Variants in STARD13 observed in about 807,000 individuals in gnomAD.
STARD13 encodes the protein stAR-related lipid transfer protein 13.
In STARD13, 62 loss-of-function variants were observed where a neutral mutation model predicts 106.4. The observed-to-expected ratio is 0.58, with a 90% CI of 0.48 to 0.72. STARD13 has a LOEUF of 0.72. Among genes scored for constraint, STARD13 ranks in the 30% least tolerant of loss-of-function variants. STARD13 has a pLI of 0.00. For missense variants in STARD13, 1,387 were observed against 1,424.0 expected (o/e 0.97, Z 0.42); for synonymous variants, 565 against 553.0 (o/e 1.02, Z -0.31).
the STARD13 span, among the ~76,000 whole-genome samples, chr13:33,608,298 A>G: frequency 6.6e-6 from 1 of 152,232 alleles, no homozygotes; most frequent in Non-Finnish European, 1.5e-5. Context: ...AAAGATGTCC[A>G]TTCTCCCAAA....
At chr13:33,158,982 C>T (rs868516696) in intron 3 of STARD13, among the ~76,000 whole-genome samples, 2 of 152,216 alleles carry the variant, frequency 1.3e-5, no homozygotes, top group Non-Finnish European at 2.9e-5. Flanking sequence ...TCAGTTCGCA[C>T]ACCTCCAGCC....
At chr13:33,238,196 A>G (rs1889289336) in intron 1 of STARD13, among the ~76,000 whole-genome samples, 1 of 152,180 alleles carries the variant, frequency 6.6e-6, no homozygotes, top group Non-Finnish European at 1.5e-5. Context: ...TCAACATTGA[A>G]CACAACAGAC....
chr13:33,521,463 A>G, the STARD13 span, among the ~76,000 whole-genome samples: 1 of 152,114 alleles, frequency 6.6e-6, no homozygotes, highest in South Asian at 2.1e-4. Context: ...AACAGAATCT[A>G]TTGTCTATCT....
At chr13:33,285,891 G>T (rs1892039399), upstream of STARD13, 1 of 643,256 alleles carries the variant, frequency 1.6e-6, no homozygotes, top group East Asian at 4.4e-5. Context: ...ACCAGAGGCA[G>T]TTCCAGCCGC....
Position 33,334,495 on chromosome 13 carries a change from C to T in STARD13, c.124+15795G>A, listed in dbSNP as rs117453615. ...CTCAGTGTCATGGAAGGATGACATA[C>T]GGAAAAACCCTTAATCAGGGCCTGA... On this transcript the variant is annotated intron_variant, in intron 1 of 5. Coordinates refer to the STARD13 transcript ENST00000567873. Among the ~76,000 whole-genome samples, 225 of 152,212 alleles carry T rather than the reference C, an allele frequency of 1.5e-3. 1 individual carries two copies. The highest frequency in any genetic ancestry group is 2.4e-3 in the Non-Finnish European group (165 of 68,018).
chr13:33,630,051 A>G, the STARD13 span, among the ~76,000 whole-genome samples: 1 of 152,222 alleles, frequency 6.6e-6, no homozygotes, highest in African/African-American at 2.4e-5. Context: ...TTATTCTTTC[A>G]CATTTACATA....
At chr13:33,464,481 T>C in the STARD13 span, among the ~76,000 whole-genome samples, 2 of 152,152 alleles carry the variant, frequency 1.3e-5, no homozygotes, top group South Asian at 2.1e-4. Context: ...AAAGCCACCA[T>C]TGAAAGAGTG....
the STARD13 span, among the ~76,000 whole-genome samples, chr13:33,388,547 A>G: frequency 6.6e-6 from 1 of 152,180 alleles, no homozygotes; most frequent in African/African-American, 2.4e-5. Flanking sequence ...CTGAGTACAT[A>G]CCCACAAAGG....
rs1417313735 is a variant in STARD13 at position 33,233,772 on chromosome 13, G to A, written c.169+51698C>T. ...CTGTAACACCCCCTCTGGGGCTTAGGGTTGCAGTCATCCTTACCTGGGTGT... is the reference window on the plus strand; with the variant it reads ...CTGTAACACCCCCTCTGGGGCTTAGAGTTGCAGTCATCCTTACCTGGGTGT... On this transcript the variant is annotated intron_variant, in intron 1 of 13. Transcript: ENST00000336934. Among the ~76,000 whole-genome samples the A allele has an allele frequency of 2.6e-5, 4 of 152,228 alleles. No homozygotes were observed. In the East Asian group the frequency reaches 7.7e-4, roughly 29 times the overall value.
chr13:33,167,540 G>T lies in STARD13; in HGVS notation c.241+11C>A. On this transcript the variant is annotated intron_variant, in intron 2 of 13. Coordinates refer to ENST00000336934, the MANE Select transcript of STARD13 (RefSeq NM_178006.4). ...TTCTCTGTGTAAGAGCGAAGCGAAG[G>T]GCTGACGTACCCTCATATAACTGAG... The T allele has an allele frequency of 6.2e-7, 1 of 1,613,868 alleles. No homozygotes were observed. Among genetic ancestry groups the T allele is most frequent in the Non-Finnish European group, 8.5e-7 (1 of 1,179,772 alleles).
chr13:33,455,830 G>A, the STARD13 span, among the ~76,000 whole-genome samples: 6 of 152,188 alleles, frequency 3.9e-5, no homozygotes, highest in South Asian at 2.1e-4. Flanking sequence ...TGTAGTCCCA[G>A]CTACTCGGGA....
At chr13:33,519,208 T>TTTTCTTTCTTTC in the STARD13 span, among the ~76,000 whole-genome samples, 621 of 101,472 alleles carry the variant, frequency 6.1e-3, 4 homozygotes, top group East Asian at 9.3e-3. Context: ...CTTGGTAATT[T>TTTTCTTTCTTTC]TTTCTTTCTT....
chr13:33,559,544 G>A, the STARD13 span, among the ~76,000 whole-genome samples: 1 of 151,512 alleles, frequency 6.6e-6, no homozygotes, highest in Non-Finnish European at 1.5e-5. Context: ...CTCCCATGAT[G>A]AGATTAGTGT....
At chr13:33,317,823 C>T (rs1893398671) in intron 1 of STARD13, among the ~76,000 whole-genome samples, 1 of 152,124 alleles carries the variant, frequency 6.6e-6, no homozygotes, top group Non-Finnish European at 1.5e-5. Flanking sequence ...TTTAAGCACT[C>T]CGTAAGTTTT....
chr13:33,408,082 T>G, the STARD13 span, among the ~76,000 whole-genome samples: 7 of 152,344 alleles, frequency 4.6e-5, no homozygotes, highest in African/African-American at 1.7e-4. Flanking sequence ...CCATTGCCTG[T>G]GCCTTACTTC....
chr13:33,167,546 C>T lies in STARD13; in HGVS notation c.241+5G>A, dbSNP rs759907881. ...GTGTAAGAGCGAAGCGAAGGGCTGA[C>T]GTACCCTCATATAACTGAGCGTATT... On this transcript the variant is annotated splice_donor_5th_base_variant and intron_variant, in intron 2 of 13. Coordinates refer to ENST00000336934, the MANE Select transcript of STARD13 (RefSeq NM_178006.4). 19 of 1,613,826 alleles carry T rather than the reference C, an allele frequency of 1.2e-5. No individual in the cohort carries two copies. Among genetic ancestry groups the T allele is most frequent in the Admixed American group, 5.0e-5 (3 of 60,026 alleles).
At chr13:33,561,726 TA>T in the STARD13 span, among the ~76,000 whole-genome samples, 1 of 145,926 alleles carries the variant, frequency 6.9e-6, no homozygotes, top group Non-Finnish European at 1.5e-5. Context: ...TCCAGAGATA[TA>T]AAAAATATTA....
At chr13:33,491,374 G>T in the STARD13 span, among the ~76,000 whole-genome samples, 1 of 152,164 alleles carries the variant, frequency 6.6e-6, no homozygotes, top group African/African-American at 2.4e-5. Flanking sequence ...CTTAAGAAAA[G>T]AAATCCCAAA....
At chr13:33,145,970 A>G (rs1192526331) in intron 3 of STARD13, among the ~76,000 whole-genome samples, 2 of 152,088 alleles carry the variant, frequency 1.3e-5, no homozygotes, top group African/African-American at 4.8e-5. Flanking sequence ...AGATCGCTTG[A>G]GCCCAGGAGT....
Sources: allele counts gnomAD v4.1 joint callset (sites outside exome capture counted in the v4.1 genomes callset), GRCh38; gene constraint gnomAD v4.1.1; transcripts MANE v1.5; gene names NCBI Gene and HGNC (gene_info 2026-07-23, HGNC 2026-07-21).